Variants in PTBP3 observed in about 807,000 individuals in gnomAD.
The protein encoded by PTBP3 is polypyrimidine tract-binding protein 3.
Under a neutral mutation model 58.7 loss-of-function variants are expected in PTBP3, and 20 were observed. That is an observed-to-expected ratio of 0.34 (90% CI 0.24 to 0.50). The LOEUF is 0.50. Ranked by LOEUF, PTBP3 falls within the 20% of genes least tolerant of loss-of-function variation. The pLI, the probability that PTBP3 is intolerant of heterozygous loss-of-function variation, is 0.98. For synonymous variants in PTBP3, 185 were observed against 219.8 expected (o/e 0.84, Z 1.40); for missense variants, 509 against 637.2 (o/e 0.80, Z 2.17).
intron 4 of PTBP3, among the ~76,000 whole-genome samples, chr9:112,265,142 C>T (rs1160162167): frequency 2.7e-5 from 4 of 148,886 alleles, no homozygotes; most frequent in South Asian, 2.1e-4. Context: ...TGAAGAAATA[C>T]GCAAGATATA....
intron 3 of PTBP3, among the ~76,000 whole-genome samples, chr9:112,269,145 C>A (rs1313137960): frequency 6.8e-6 from 1 of 148,100 alleles, no homozygotes; most frequent in Non-Finnish European, 1.5e-5. Flanking sequence ...TGCAGTGAGC[C>A]GAGATCGCGC....
chr9:112,342,175 TGGACTCCA>T, the PTBP3 span, among the ~76,000 whole-genome samples: 1 of 152,220 alleles, frequency 6.6e-6, no homozygotes, highest in South Asian at 2.1e-4. Flanking sequence ...CTCCAGCCTT[TGGACTCCA>T]GGACTTGCAC....
At position 112,324,338 on chromosome 9, in the gene PTBP3, G is replaced by T. The variant is rs1830069769; in HGVS notation, c.-52+9132C>A. On this transcript the variant is annotated intron_variant, in intron 1 of 13. Transcript: ENST00000374257. Reference sequence around the variant, plus strand: ...GTATACAGCAACCACTAAAAAAAAAGTTAAAGGAAATATAATTAATATGTA... The same window carrying T: ...GTATACAGCAACCACTAAAAAAAAATTTAAAGGAAATATAATTAATATGTA... Among the ~76,000 whole-genome samples the T allele has an allele frequency of 2.0e-5, 3 of 152,172 alleles. No homozygotes were observed. The South Asian group carries it at 6.2e-4, about 32-fold the overall frequency.
At position 112,275,973 on chromosome 9, in the gene PTBP3, A is replaced by G. The variant is rs763343133; in HGVS notation, c.75T>C (p.Pro25=). 1 of 1,613,484 alleles carries G rather than the reference A, an allele frequency of 6.2e-7. No homozygotes were observed. Among genetic ancestry groups the G allele is most frequent in the East Asian group, 2.2e-5 (1 of 44,860 alleles). ...NDSKKFKRDR[P]PCSPSRVLHL... is the part of the protein sequence containing the mutation. Reference sequence around the variant, plus strand: ...GGAGAACACGGGAAGGCGAACAGGGAGGTCTATCTCGTTTAAATTTCTTGC... The same window carrying G: ...GGAGAACACGGGAAGGCGAACAGGGGGGTCTATCTCGTTTAAATTTCTTGC... The change falls in exon 3 of 14, where the codon CCT becomes CCC. Residue 25 remains proline, a synonymous_variant. Transcript: ENST00000374257.
At chr9:112,231,354 TAATAA>T (rs1175382977) in intron 10 of PTBP3, 21 bp downstream of exon 10, 1 of 1,556,394 alleles carries the variant, frequency 6.4e-7, no homozygotes, top group Admixed American at 1.8e-5. Flanking sequence ...CTGTAGACAA[TAATAA>T]AATAGCAAAA....
chr9:112,370,071 T>C, the PTBP3 span, among the ~76,000 whole-genome samples: 2 of 152,232 alleles, frequency 1.3e-5, no homozygotes, highest in African/African-American at 2.4e-5. Flanking sequence ...TGTGAGCTTA[T>C]TAAACCTCTT....
chr9:112,327,143 G>A (rs1830189972), intron 1 of PTBP3, among the ~76,000 whole-genome samples: 1 of 151,866 alleles, frequency 6.6e-6, no homozygotes, highest in Non-Finnish European at 1.5e-5. Context: ...GGTGGAGAAT[G>A]CAGTGAGCCA....
chr9:112,221,239 G>A lies in PTBP3; in HGVS notation c.*2612C>T. On this transcript the variant is annotated 3_prime_UTR_variant, in exon 14 of 14. Coordinates refer to ENST00000374257, the MANE Select transcript of PTBP3 (RefSeq NM_001163788.4). ...TGCATATGTATATACAACTTTAGAAGAGTGTATTTATGTATATACACTTAT... is the reference window on the plus strand; with the variant it reads ...TGCATATGTATATACAACTTTAGAAAAGTGTATTTATGTATATACACTTAT... 1 of 983,984 alleles carries A rather than the reference G, an allele frequency of 1.0e-6. No homozygotes were observed. The allele number at this position is 983,984 out of a possible 1,614,324, so 61.0% of individuals were successfully genotyped here.
chr9:112,265,150 A>G (rs548147101), intron 4 of PTBP3, among the ~76,000 whole-genome samples: 2 of 139,144 alleles, frequency 1.4e-5, no homozygotes, highest in African/African-American at 6.0e-5. Flanking sequence ...TACGCAAGAT[A>G]TATTAATCAG....
chr9:112,310,039 T>G (rs1340745548), intron 1 of PTBP3, among the ~76,000 whole-genome samples: 1 of 152,220 alleles, frequency 6.6e-6, no homozygotes, highest in Non-Finnish European at 1.5e-5. Context: ...TCACATACAC[T>G]GTGGCCCCAT....
intron 12 of PTBP3, among the ~76,000 whole-genome samples, chr9:112,226,358 C>G (rs6477899): frequency 6.6e-6 from 1 of 151,904 alleles, no homozygotes; most frequent in Non-Finnish European, 1.5e-5. Flanking sequence ...ACTTCCCATT[C>G]TCATTCTCAA....
At chr9:112,301,833 C>T (rs561577802) in intron 1 of PTBP3, among the ~76,000 whole-genome samples, 2 of 152,244 alleles carry the variant, frequency 1.3e-5, no homozygotes, top group African/African-American at 4.8e-5. Flanking sequence ...GCACACAGGA[C>T]CTTTCTGTAC....
At chr9:112,340,071 C>T in the PTBP3 span, among the ~76,000 whole-genome samples, 2 of 151,996 alleles carry the variant, frequency 1.3e-5, no homozygotes, top group South Asian at 4.1e-4. Context: ...CTCAGGTGAT[C>T]CTCCCACCTA....
chr9:112,260,097 T>A (rs554945057), intron 5 of PTBP3, among the ~76,000 whole-genome samples: 3 of 152,072 alleles, frequency 2.0e-5, no homozygotes, highest in African/African-American at 7.2e-5. Flanking sequence ...TTAGAAGAGA[T>A]AGGGTTTCAC....
chr9:112,252,162 G>GT (rs1564406512), intron 6 of PTBP3: 1 of 152,064 alleles, frequency 6.6e-6, no homozygotes, highest in Non-Finnish European at 1.5e-5. Flanking sequence ...CTAAGATTTA[G>GT]TATCTCCACC....
intron 7 of PTBP3, among the ~76,000 whole-genome samples, chr9:112,240,856 T>C (rs975455199): frequency 5.3e-5 from 8 of 152,052 alleles, no homozygotes; most frequent in South Asian, 2.1e-4. Flanking sequence ...AACGTGTGTA[T>C]GTGTCTTAGT....
At chr9:112,294,163 T>A (rs906436359) in intron 2 of PTBP3, among the ~76,000 whole-genome samples, 1 of 152,076 alleles carries the variant, frequency 6.6e-6, no homozygotes, top group African/African-American at 2.4e-5. Flanking sequence ...CCATTGATAA[T>A]AAAAACTAAG....
chr9:112,333,631 C>A, upstream of PTBP3: 1 of 793,216 alleles, frequency 1.3e-6, no homozygotes, highest in Admixed American at 3.0e-5. Context: ...GGAACAGGGG[C>A]GGGGACCGGG....
At chr9:112,233,074 A>G (rs1258197629) in intron 8 of PTBP3, among the ~76,000 whole-genome samples, 3 of 152,006 alleles carry the variant, frequency 2.0e-5, no homozygotes, top group Non-Finnish European at 1.5e-5. Flanking sequence ...TAAGAAGGTC[A>G]TAACTACCAT....
Sources: allele counts gnomAD v4.1 joint callset (sites outside exome capture counted in the v4.1 genomes callset), GRCh38; gene constraint gnomAD v4.1.1; transcripts MANE v1.5; gene names NCBI Gene and HGNC (gene_info 2026-07-23, HGNC 2026-07-21).